Variants in FGGY observed in about 807,000 individuals in gnomAD.
FGGY encodes the protein FGGY carbohydrate kinase domain-containing protein.
A neutral mutation model predicts 71.3 loss-of-function variants in FGGY; 72 were observed. The observed-to-expected ratio is 1.01, with a 90% CI of 0.84 to 1.23. The LOEUF is 1.23. FGGY is among the 50% of genes most tolerant of loss of function. The pLI, the probability that FGGY is intolerant of heterozygous loss-of-function variation, is 0.00. For synonymous variants in FGGY, 251 were observed against 250.3 expected, an observed-to-expected ratio of 1.00 and a Z score of -0.02; for missense variants, 668 against 682.3, an observed-to-expected ratio of 0.98 and a Z score of 0.23.
At chr1:59,332,238 G>A (rs941008966) in intron 2 of FGGY, among the ~76,000 whole-genome samples, 5 of 152,174 alleles carry the variant, frequency 3.3e-5, no homozygotes, top group Non-Finnish European at 7.3e-5. Context: ...ACATGGAACA[G>A]GTTACCAAAT....
chr1:59,598,361 A>G (rs1443731091), intron 8 of FGGY, among the ~76,000 whole-genome samples: 2 of 152,250 alleles, frequency 1.3e-5, no homozygotes, highest in East Asian at 1.9e-4. Context: ...TGCATTAACT[A>G]TAAATGAATG....
chr1:59,394,829 A>G (rs569630252), intron 5 of FGGY, among the ~76,000 whole-genome samples: 1 of 152,246 alleles, frequency 6.6e-6, no homozygotes, highest in African/African-American at 2.4e-5. Flanking sequence ...TTTTCACAGC[A>G]CTGAGACTAA....
chr1:59,732,694 G>T (rs186077116), intron 14 of FGGY, among the ~76,000 whole-genome samples: 1 of 152,252 alleles, frequency 6.6e-6, no homozygotes, highest in Admixed American at 6.5e-5. Flanking sequence ...GTATTCAGGA[G>T]CTTAGCTAGT....
intron 14 of FGGY, 37 bp downstream of exon 14, chr1:59,674,170 C>G (rs2097411768): frequency 1.3e-6 from 2 of 1,527,206 alleles, no homozygotes; most frequent in African/African-American, 1.4e-5. Flanking sequence ...TGGCTCCTCC[C>G]CTGTCTGAGG....
chr1:59,747,136 A>G (rs1455381905), intron 14 of FGGY, among the ~76,000 whole-genome samples: 1 of 152,196 alleles, frequency 6.6e-6, no homozygotes, highest in Non-Finnish European at 1.5e-5. Flanking sequence ...AGTCAACAAT[A>G]GATTATTAGA....
chr1:59,700,854 G>A (rs777847320), intron 14 of FGGY, among the ~76,000 whole-genome samples: 5 of 152,216 alleles, frequency 3.3e-5, no homozygotes, highest in Non-Finnish European at 7.3e-5. Context: ...GCCCTCCTGA[G>A]GAAGGGATGT....
rs534044566 is a variant in FGGY, at chr1:59,689,029, C to T, written c.1512+14896C>T. On this transcript the variant is annotated intron_variant, in intron 14 of 15. Transcript: ENST00000303721. ...CCTCCCAAAGTGCTGGGATGATAGGCGTGAGCCACCTCGTCTGGCCTAGAC... is the reference window on the plus strand; with the variant it reads ...CCTCCCAAAGTGCTGGGATGATAGGTGTGAGCCACCTCGTCTGGCCTAGAC... Among the ~76,000 whole-genome samples the T allele has an allele frequency of 2.8e-3, 422 of 152,254 alleles. 3 individuals carry two copies. Among genetic ancestry groups the T allele is most frequent in the Non-Finnish European group, 4.1e-3 (279 of 68,012 alleles).
chr1:59,755,928 C>T (rs938536936), intron 14 of FGGY: 1 of 152,200 alleles, frequency 6.6e-6, no homozygotes, highest in Non-Finnish European at 1.5e-5. Flanking sequence ...CAGAGCACAA[C>T]TCAAGGAAGA....
At chr1:59,533,545 G>T (rs557768458) in intron 7 of FGGY, among the ~76,000 whole-genome samples, 1 of 147,464 alleles carries the variant, frequency 6.8e-6, no homozygotes, top group Admixed American at 6.7e-5. Context: ...ACCTCTGGGG[G>T]CAGGGAACAG....
At chr1:59,683,410 A>G (rs141535038) in intron 14 of FGGY, among the ~76,000 whole-genome samples, 2 of 152,164 alleles carry the variant, frequency 1.3e-5, no homozygotes, top group African/African-American at 4.8e-5. Flanking sequence ...GGATTGCCTT[A>G]TATGGAGACC....
intron 10 of FGGY, among the ~76,000 whole-genome samples, chr1:59,633,001 C>CT (rs58061913): frequency 0.024 from 3,297 of 135,584 alleles, 57 homozygotes; most frequent in East Asian, 0.096. Context: ...TTATACATTT[C>CT]TTTTTTTTTT....
chr1:59,613,962 T>C (rs1400472577), intron 9 of FGGY, among the ~76,000 whole-genome samples: 1 of 152,096 alleles, frequency 6.6e-6, no homozygotes, highest in Non-Finnish European at 1.5e-5. Flanking sequence ...AAGTTGAATC[T>C]CTGAATAGAC....
At chr1:59,373,503 T>C (rs2058087849) in intron 4 of FGGY, among the ~76,000 whole-genome samples, 3 of 152,272 alleles carry the variant, frequency 2.0e-5, no homozygotes, top group Admixed American at 1.3e-4. Flanking sequence ...ATAGATTCAG[T>C]GCCATCCCCA....
chr1:59,400,737 A>T (rs961793780), intron 5 of FGGY, among the ~76,000 whole-genome samples: 1 of 151,944 alleles, frequency 6.6e-6, no homozygotes, highest in East Asian at 1.9e-4. Flanking sequence ...GACTCTTGAC[A>T]TAAGTAGAAC....
chr1:59,382,243 C>A (rs1207477887), intron 5 of FGGY, among the ~76,000 whole-genome samples: 2 of 152,166 alleles, frequency 1.3e-5, no homozygotes, highest in Admixed American at 6.6e-5. Context: ...TACCATTTCT[C>A]CTATCTCATT....
At chr1:59,522,147 C>T (rs749443276) in intron 7 of FGGY, among the ~76,000 whole-genome samples, 4 of 152,182 alleles carry the variant, frequency 2.6e-5, no homozygotes, top group Non-Finnish European at 4.4e-5. Flanking sequence ...TATTTTTGGA[C>T]TTTAACATAC....
At chr1:59,477,697 T>A (rs1271985645) in intron 6 of FGGY, among the ~76,000 whole-genome samples, 1 of 152,194 alleles carries the variant, frequency 6.6e-6, no homozygotes, top group East Asian at 1.9e-4. Flanking sequence ...AAACCCACTG[T>A]AATTTTCCCC....
At chr1:59,528,139 T>C (rs775964866) in intron 7 of FGGY, among the ~76,000 whole-genome samples, 33 of 152,338 alleles carry the variant, frequency 2.2e-4, no homozygotes, top group Non-Finnish European at 4.4e-4. Flanking sequence ...CAACGTTGTT[T>C]ACCATCAAAA....
chr1:59,753,084 T>A (rs1480767746), intron 14 of FGGY, among the ~76,000 whole-genome samples: 5 of 152,112 alleles, frequency 3.3e-5, no homozygotes, highest in African/African-American at 1.2e-4. Context: ...ACAAAGAGGG[T>A]AGCGTGCTGC....
Sources: gnomAD v4.1 joint callset for allele counts (sites outside exome capture counted in the v4.1 genomes callset) on GRCh38, gnomAD v4.1.1 for gene constraint, MANE v1.5 for transcripts, NCBI Gene and HGNC (gene_info 2026-07-23, HGNC 2026-07-21) for gene names.